Variants in SVEP1 observed in about 807,000 individuals in gnomAD.
SVEP1 encodes sushi, von Willebrand factor type A, EGF and pentraxin domain-containing protein 1.
Under a neutral mutation model 367.3 loss-of-function variants are expected in SVEP1, and 164 were observed. That is an observed-to-expected ratio of 0.45 (90% CI 0.39 to 0.51). SVEP1 has a LOEUF of 0.51. Among genes scored for constraint, SVEP1 ranks in the 20% least tolerant of loss-of-function variants. The pLI is 0.00. For synonymous variants in SVEP1, 1,666 were observed against 1,611.6 expected (o/e 1.03, Z -0.81); for missense variants, 4,117 against 4,425.3 (o/e 0.93, Z 1.98).
chr9:110,512,231 C>T (rs1001462235), intron 5 of SVEP1, among the ~76,000 whole-genome samples: 1 of 152,094 alleles, frequency 6.6e-6, no homozygotes, highest in African/African-American at 2.4e-5. Flanking sequence ...TTTGCTCGCC[C>T]CCCTTTTACC....
chr9:110,463,504 TA>T (rs759087771), intron 18 of SVEP1, among the ~76,000 whole-genome samples: 81 of 136,822 alleles, frequency 5.9e-4, no homozygotes, highest in Admixed American at 2.8e-3. Context: ...CAGTACACTA[TA>T]AAAATAAATC....
intron 3 of SVEP1, among the ~76,000 whole-genome samples, chr9:110,541,047 G>A (rs935301858): frequency 6.6e-6 from 1 of 152,086 alleles, no homozygotes; most frequent in African/African-American, 2.4e-5. Flanking sequence ...GATAGCCTTG[G>A]CCTGGGAATT....
intron 2 of SVEP1, among the ~76,000 whole-genome samples, chr9:110,546,733 AGAGATGTTAATTGT>A (rs1416103775): frequency 1.3e-5 from 2 of 152,290 alleles, no homozygotes; most frequent in Non-Finnish European, 2.9e-5. Context: ...ATCACTGCAC[AGAGATGTTAATTGT>A]GAGCCACCAA....
chr9:110,566,324 T>TAATAAATAAATA (rs199990111), intron 1 of SVEP1, among the ~76,000 whole-genome samples: 3 of 141,962 alleles, frequency 2.1e-5, no homozygotes, highest in Admixed American at 7.2e-5. Context: ...CCTGTCTCCA[T>TAATAAATAAATA]AATAAATAAA....
intron 1 of SVEP1, among the ~76,000 whole-genome samples, chr9:110,560,891 T>G (rs1017689156): frequency 6.6e-6 from 1 of 152,216 alleles, no homozygotes; most frequent in Non-Finnish European, 1.5e-5. Flanking sequence ...CATCTGTAGC[T>G]GAAGCTGTTC....
At chr9:110,529,799 CAT>C (rs1478602150) in intron 3 of SVEP1, among the ~76,000 whole-genome samples, 1 of 151,996 alleles carries the variant, frequency 6.6e-6, no homozygotes, top group Non-Finnish European at 1.5e-5. Context: ...GGTATAAAAT[CAT>C]ATCGTCAGCA....
intron 40 of SVEP1, among the ~76,000 whole-genome samples, chr9:110,391,491 C>G (rs1588028410): frequency 1.3e-5 from 2 of 152,038 alleles, no homozygotes; most frequent in African/African-American, 4.8e-5. Context: ...AGGCTGGTCT[C>G]AAACTCCTGA....
chr9:110,495,466 T>C (rs1484899623), intron 8 of SVEP1, among the ~76,000 whole-genome samples: 3 of 152,194 alleles, frequency 2.0e-5, no homozygotes, highest in Non-Finnish European at 4.4e-5. Context: ...CATGAGAGAC[T>C]GTTCAACACA....
At position 110,472,251 on chromosome 9, in the gene SVEP1, G is replaced by C. The variant is rs756648935; in HGVS notation, c.2672C>G (p.Thr891Arg). 2 of 1,613,604 alleles carry C rather than the reference G, an allele frequency of 1.2e-6. No homozygotes were observed. Among genetic ancestry groups the C allele is most frequent in the Non-Finnish European group, 1.7e-6 (2 of 1,179,808 alleles). Reference protein sequence around the residue: ...YDDFLDTVQETATSIGNAKSS... With the variant: ...YDDFLDTVQERATSIGNAKSS... ...CTTGGCATTGCCGATGCTTGTGGCTGTTTCTTGCACAGTGTCCAGGAAGTC... is the reference window on the plus strand; with the variant it reads ...CTTGGCATTGCCGATGCTTGTGGCTCTTTCTTGCACAGTGTCCAGGAAGTC... Residue 891 changes from threonine (T) to arginine (R), a missense_variant, in exon 15 of 48, where the codon ACA becomes AGA. Physicochemically the swap from Thr to Arg is moderately conservative, Grantham distance 71. Around this residue, in one of 4 missense-constraint regions of SVEP1, gnomAD observed 2,174 missense variants for 2,494.3 expected, o/e 0.87. Coordinates refer to ENST00000374469, the MANE Select transcript of SVEP1 (RefSeq NM_153366.4).
At chr9:110,445,763 C>T (rs1350413479) in intron 26 of SVEP1, 74 bp downstream of exon 26, 16 of 1,534,184 alleles carry the variant, frequency 1.0e-5, no homozygotes, top group Non-Finnish European at 1.3e-5. Context: ...TTCCCATTTC[C>T]CATCCTCAAT....
intron 40 of SVEP1, among the ~76,000 whole-genome samples, chr9:110,396,017 C>T (rs1032953503): frequency 1.3e-5 from 2 of 152,096 alleles, no homozygotes; most frequent in Non-Finnish European, 2.9e-5. Flanking sequence ...TAGACATCTA[C>T]AGAACTGTCC....
rs1430088358 is a variant in SVEP1 at position 110,411,516 on chromosome 9, G to C, written c.6195C>G (p.Gly2065=). The change falls in exon 37 of 48, where the codon GGC becomes GGG. Residue 2065 remains glycine, a synonymous_variant. Transcript: ENST00000374469. ...DNSQLLCNAQ[G]KWVPPEGQDM... ...CTTGACCTTCTGGGGGTACCCACTT[G>C]CCCTGGGCATTGCAGAGAAGCTGGG... 4 of 1,613,906 alleles carry C rather than the reference G, an allele frequency of 2.5e-6. No homozygotes were observed. In the African/African-American group the frequency reaches 4.0e-5, roughly 16 times the overall value.
In SVEP1 at chr9:110,494,072, T is replaced by C. The variant is rs1010282456; in HGVS notation, c.1800+2743A>G. ...TATTTTAAGGACTCATGTGATTAAG[T>C]TGGATTCACCTGGATAACCCACGCT... is the stretch of plus-strand genomic sequence containing the variant. On this transcript the variant is annotated intron_variant, in intron 8 of 47. Coordinates refer to ENST00000374469, the MANE Select transcript of SVEP1 (RefSeq NM_153366.4). Among the ~76,000 whole-genome samples, 3 of 152,206 alleles carry C rather than the reference T, an allele frequency of 2.0e-5. No individual in the cohort carries two copies. In the East Asian group the frequency reaches 5.8e-4, roughly 29 times the overall value.
At chr9:110,518,148 C>T (rs890853252) in intron 3 of SVEP1, among the ~76,000 whole-genome samples, 14 of 152,102 alleles carry the variant, frequency 9.2e-5, no homozygotes, top group Admixed American at 2.6e-4. Context: ...TTAGGCCCAG[C>T]ACGGTGGCTC....
chr9:110,444,196 T>G (rs113828985), intron 26 of SVEP1, among the ~76,000 whole-genome samples: 1 of 152,228 alleles, frequency 6.6e-6, no homozygotes, highest in Non-Finnish European at 1.5e-5. Flanking sequence ...ATGGTTTGAA[T>G]ATTTGTATGC....
In SVEP1 at chr9:110,390,336, C is replaced by CTT. The variant is rs1288152358; in HGVS notation, c.9823-750_9823-749insAA. Among the ~76,000 whole-genome samples, 50 of 22,946 alleles carry CTT rather than the reference C, an allele frequency of 2.2e-3. 1 individual carries two copies. The highest frequency in any genetic ancestry group is 4.5e-3 in the Admixed American group (8 of 1,760). 15.1% of individuals were successfully genotyped at this position (22,946 alleles called of 152,430 possible). A position where few individuals can be genotyped will look rare whatever the true frequency, so the allele number is the denominator to read the frequency against. On this transcript the variant is annotated intron_variant, in intron 40 of 47. Transcript: ENST00000374469. Reference sequence around the variant, plus strand: ...ATGTGTATATATACTTATATATACACATACTTATATACACTTATATATATA... The same window carrying CTT: ...ATGTGTATATATACTTATATATACACTTATACTTATATACACTTATATATATA...
At chr9:110,528,150 G>GTATA (rs1169936743) in intron 3 of SVEP1, among the ~76,000 whole-genome samples, 39 of 42,704 alleles carry the variant, frequency 9.1e-4, no homozygotes, top group South Asian at 4.3e-3. Flanking sequence ...GTGTGTGTGT[G>GTATA]TGTGTGTATA....
intron 3 of SVEP1, among the ~76,000 whole-genome samples, chr9:110,536,721 A>G (rs576106912): frequency 2.2e-4 from 34 of 152,006 alleles, no homozygotes; most frequent in South Asian, 4.2e-4. Flanking sequence ...TTATACTTTA[A>G]GTTCTAGGGT....
At chr9:110,526,116 G>A (rs1829937334) in intron 3 of SVEP1, among the ~76,000 whole-genome samples, 1 of 152,044 alleles carries the variant, frequency 6.6e-6, no homozygotes, top group African/African-American at 2.4e-5. Context: ...TCAGGAACCA[G>A]TATTAGCCAA....
Sources: gnomAD v4.1 joint callset for allele counts (sites outside exome capture counted in the v4.1 genomes callset) on GRCh38, gnomAD v4.1.1 for gene constraint, gnomAD v4.1.1 regional missense constraint, MANE v1.5 for transcripts, NCBI Gene and HGNC (gene_info 2026-07-23, HGNC 2026-07-21) for gene names.